The following CRPPA variants were observed in gnomAD, a reference collection of about 807,000 sequenced individuals.
CRPPA encodes CDP-L-ribitol pyrophosphorylase A, also known as D-ribitol-5-phosphate cytidylyltransferase.
Under a neutral mutation model 52.0 loss-of-function variants are expected in CRPPA, and 43 were observed. The observed-to-expected ratio is 0.83, with a 90% confidence interval of 0.65 to 1.07. The LOEUF (loss-of-function observed/expected upper bound fraction) is 1.07. Ranked by LOEUF, CRPPA falls within the 50% of genes least tolerant of loss-of-function variation. The probability of loss-of-function intolerance (pLI) is 0.00; values close to 1 mark genes in which losing one functional copy is unlikely to be tolerated. For synonymous variants in CRPPA, 250 were observed against 203.5 expected, an observed-to-expected ratio of 1.23 and a Z score of -1.94; for missense variants, 629 against 551.7, an observed-to-expected ratio of 1.14 and a Z score of -1.40.
At chr7:16,099,468 T>G in intron 9 of CRPPA, among the ~76,000 whole-genome samples, 3 of 116,426 alleles carry the variant, frequency 2.6e-5, no homozygotes, top group Admixed American at 9.3e-5. Flanking sequence ...AGGAAAAACA[T>G]AAGGAGAAGG....
intron 3 of CRPPA, among the ~76,000 whole-genome samples, chr7:16,347,585 G>C (rs772816936): frequency 6.6e-6 from 1 of 152,102 alleles, no homozygotes; most frequent in Non-Finnish European, 1.5e-5. Context: ...GGAGGCTCCA[G>C]ATTCCCCCTT....
chr7:16,341,283 G>A (rs1043402737), intron 3 of CRPPA, among the ~76,000 whole-genome samples: 1 of 151,330 alleles, frequency 6.6e-6, no homozygotes, highest in Non-Finnish European at 1.5e-5. Flanking sequence ...TAAGTTCAAT[G>A]GTTTAAAAAA....
At chr7:16,124,907 G>A (rs1034141979) in intron 9 of CRPPA, among the ~76,000 whole-genome samples, 5 of 151,998 alleles carry the variant, frequency 3.3e-5, no homozygotes, top group African/African-American at 1.2e-4. Context: ...ATTGAGGAGT[G>A]GAAAGAGGAA....
chr7:16,267,986 G>C (rs1783997255), intron 6 of CRPPA, among the ~76,000 whole-genome samples: 1 of 152,066 alleles, frequency 6.6e-6, no homozygotes, highest in Non-Finnish European at 1.5e-5. Context: ...TTATGTAACG[G>C]ATTAGAGCAC....
At chr7:16,122,253 T>C (rs1387268646) in intron 9 of CRPPA, among the ~76,000 whole-genome samples, 1 of 152,024 alleles carries the variant, frequency 6.6e-6, no homozygotes, top group Non-Finnish European at 1.5e-5. Flanking sequence ...TTCATTCTGA[T>C]TGGGATTGGA....
intron 5 of CRPPA, among the ~76,000 whole-genome samples, chr7:16,286,068 T>TTTAAAAAAAAAAAAAA (rs1562608533): frequency 1.7e-4 from 4 of 24,060 alleles, no homozygotes; most frequent in East Asian, 8.8e-4. Context: ...TATATATATA[T>TTTAAAAAAAAAAAAAA]ATATATATAT....
At chr7:16,391,786 C>A (rs1486438173) in intron 2 of CRPPA, among the ~76,000 whole-genome samples, 2 of 152,152 alleles carry the variant, frequency 1.3e-5, no homozygotes, top group Non-Finnish European at 2.9e-5. Context: ...AAGTGCCTAA[C>A]ACATAGCATG....
At chr7:16,284,639 G>C (rs563630392) in intron 5 of CRPPA, among the ~76,000 whole-genome samples, 1 of 152,154 alleles carries the variant, frequency 6.6e-6, no homozygotes, top group South Asian at 2.1e-4. Context: ...ATGTGACAAT[G>C]GAATATACAT....
In CRPPA at chr7:16,197,959, C is replaced by T. The variant is rs538230308; in HGVS notation, c.1251+18107G>A. 5.2e-4 allele frequency among the ~76,000 whole-genome samples: 75 copies of T among 142,932 alleles called. 14 individuals are homozygous for T. The East Asian group carries it at 0.02, about 37-fold the overall frequency. 93.8% of individuals were successfully genotyped at this position (142,932 alleles called of 152,430 possible). On this transcript the variant is annotated intron_variant, in intron 9 of 9. Coordinates refer to ENST00000407010, the MANE Select transcript of CRPPA (RefSeq NM_001101426.4). The stretch of plus-strand genomic sequence containing the variant: ...TAAACAGATGCTTGAAGGCAGCATG[C>T]TCCTTAAGAGTCATCACCACTCCCT...
chr7:16,327,802 G>C (rs1414181518), intron 3 of CRPPA, among the ~76,000 whole-genome samples: 1 of 152,022 alleles, frequency 6.6e-6, no homozygotes, highest in East Asian at 1.9e-4. Flanking sequence ...GGGGGAAGGA[G>C]CTCCTTGCTT....
chr7:16,189,292 C>T (rs563186906), intron 9 of CRPPA, among the ~76,000 whole-genome samples: 2 of 152,280 alleles, frequency 1.3e-5, no homozygotes, highest in Non-Finnish European at 2.9e-5. Context: ...CAGTCTGAGG[C>T]ATCACAGAAC....
chr7:16,205,420 T>C (rs1416511369), intron 9 of CRPPA, among the ~76,000 whole-genome samples: 1 of 152,154 alleles, frequency 6.6e-6, no homozygotes, highest in Non-Finnish European at 1.5e-5. Context: ...GAAATTATAT[T>C]GGCCAGGTCA....
intron 8 of CRPPA, among the ~76,000 whole-genome samples, chr7:16,230,840 C>T (rs537636106): frequency 2.0e-5 from 3 of 152,188 alleles, no homozygotes; most frequent in East Asian, 3.9e-4. Flanking sequence ...CTGGGGCTCA[C>T]TACATCAGTT....
intron 6 of CRPPA, among the ~76,000 whole-genome samples, chr7:16,273,359 G>A (rs1201008514): frequency 6.6e-6 from 1 of 151,982 alleles, no homozygotes; most frequent in Non-Finnish European, 1.5e-5. Flanking sequence ...CAGAGTGATG[G>A]CAGAGGGGCA....
intron 5 of CRPPA, among the ~76,000 whole-genome samples, chr7:16,292,493 C>T (rs1033291227): frequency 2.6e-5 from 4 of 151,914 alleles, no homozygotes; most frequent in Admixed American, 2.6e-4. Context: ...AATTAGAATT[C>T]AAGCCATCTC....
At chr7:16,100,118 G>C (rs1024202195) in intron 9 of CRPPA, among the ~76,000 whole-genome samples, 2 of 152,074 alleles carry the variant, frequency 1.3e-5, no homozygotes, top group Admixed American at 6.5e-5. Flanking sequence ...CCTTCTAACT[G>C]CAATTCTCTT....
intron 2 of CRPPA, among the ~76,000 whole-genome samples, chr7:16,401,074 C>G (rs1395970440): frequency 1.3e-5 from 2 of 152,162 alleles, no homozygotes; most frequent in African/African-American, 2.4e-5. Context: ...CCTGCTTGAA[C>G]TCAATCTTCA....
chr7:16,360,939 G>T (rs1786427355), intron 3 of CRPPA, among the ~76,000 whole-genome samples: 1 of 151,928 alleles, frequency 6.6e-6, no homozygotes, highest in South Asian at 2.1e-4. Context: ...GCAATCTCTG[G>T]AATAGAAGAG....
rs1554309913 is a variant in CRPPA at position 16,286,093 on chromosome 7, A to ATATATATATAT, written c.836-7868_836-7867insATATATATATA. Among the ~76,000 whole-genome samples the ATATATATATAT allele has an allele frequency of 4.0e-4, 11 of 27,724 alleles. 3 individuals are homozygous for ATATATATATAT. Among genetic ancestry groups the ATATATATATAT allele is most frequent in the African/African-American group, 9.5e-4 (3 of 3,166 alleles). The allele number at this position is 27,724 out of a possible 152,430, so 18.2% of individuals were successfully genotyped here. A position where few individuals can be genotyped will look rare whatever the true frequency, so the allele number is the denominator to read the frequency against. On this transcript the variant is annotated intron_variant, in intron 5 of 9. Coordinates refer to ENST00000407010, the MANE Select transcript of CRPPA (RefSeq NM_001101426.4). Reference sequence around the variant, plus strand: ...TATATATATATATAATATTTAAAAAAAAAAATATATATATATATATATATG... The same window carrying ATATATATATAT: ...TATATATATATATAATATTTAAAAAATATATATATATAAAAATATATATATATATATATATG...
Sources: allele counts gnomAD v4.1 joint callset (sites outside exome capture counted in the v4.1 genomes callset), GRCh38; gene constraint gnomAD v4.1.1; transcripts MANE v1.5; gene names NCBI Gene and HGNC (gene_info 2026-07-23, HGNC 2026-07-21).